Variants in PDXDC1 observed in about 807,000 individuals in gnomAD.
The protein encoded by PDXDC1 is pyridoxal-dependent decarboxylase domain-containing protein 1.
PDXDC1 carries 42 observed loss-of-function variants against 100.1 expected under a neutral mutation model. That is an observed-to-expected ratio of 0.42 (90% CI 0.33 to 0.54). The LOEUF is 0.54. PDXDC1 is among the 20% of genes least tolerant of loss of function. The probability of loss-of-function intolerance (pLI) is 0.10; values close to 1 mark genes in which losing one functional copy is unlikely to be tolerated. For synonymous variants in PDXDC1, 260 were observed against 371.7 expected (o/e 0.70, Z 3.46); for missense variants, 636 against 979.2 (o/e 0.65, Z 4.68).
In PDXDC1 at chr16:15,034,498, T is replaced by C; in HGVS notation, c.1947T>C (p.Asn649=). The change falls in exon 21 of 23, where the codon AAT becomes AAC. Residue 649 remains asparagine, a synonymous_variant. Coordinates refer to ENST00000396410, the MANE Select transcript of PDXDC1 (RefSeq NM_015027.4). ...TCCCTGTAGTGGGCTCCGTGCTGAA[T>C]TGGTTTTCTCCGGTCCAGGCTTTAC... ...RQIPVVGSVL[N]WFSPVQALQK... 1 of 1,614,144 alleles carries C rather than the reference T, an allele frequency of 6.2e-7. No homozygotes were observed. Among genetic ancestry groups the C allele is most frequent in the South Asian group, 1.1e-5 (1 of 91,076 alleles).
rs1208144181 is a variant in PDXDC1 at position 15,055,988 on chromosome 16, C to G, written c.1399+25932C>G. ...CAGCGGCATCGCGGAGGCGGCCGCCCAGGCAGGCCCAGGGAGGCGGCGGCC... is the reference window on the plus strand; with the variant it reads ...CAGCGGCATCGCGGAGGCGGCCGCCGAGGCAGGCCCAGGGAGGCGGCGGCC... On this transcript the variant is annotated intron_variant, in intron 16 of 16. Transcript: ENST00000535621. 3.3e-6 allele frequency: 4 copies of G among 1,203,760 alleles called. No individual in the cohort carries two copies. In the East Asian group the frequency reaches 1.0e-4, roughly 30 times the overall value. 74.6% of individuals were successfully genotyped at this position (1,203,760 alleles called of 1,614,324 possible).
At chr16:15,128,707 C>G (rs552514571) in intron 16 of PDXDC1, among the ~76,000 whole-genome samples, 1 of 152,150 alleles carries the variant, frequency 6.6e-6, no homozygotes, top group Non-Finnish European at 1.5e-5. Context: ...CACGCCACAA[C>G]CAGTGACCCG....
chr16:15,078,156 A>G (rs1241638979), intron 16 of PDXDC1, among the ~76,000 whole-genome samples: 5 of 152,210 alleles, frequency 3.3e-5, no homozygotes, highest in East Asian at 1.9e-4. Flanking sequence ...GAAAGACTAT[A>G]AAGAGTACAT....
Position 15,029,281 on chromosome 16 carries a change from G to A in PDXDC1, c.1293+315G>A, listed in dbSNP as rs1410864709. The stretch of plus-strand genomic sequence containing the variant: ...GTGAGCCTGGGCAGCACAGCCGGGA[G>A]CCCCAGGCAGAGTCTGCCGAGCATC... On this transcript the variant is annotated intron_variant, in intron 15 of 22. Coordinates refer to ENST00000396410, the MANE Select transcript of PDXDC1 (RefSeq NM_015027.4). 6 of 574,668 alleles carry A rather than the reference G, an allele frequency of 1.0e-5. No individual in the cohort carries two copies. In the Admixed American group the frequency reaches 1.6e-4, roughly 15 times the overall value. 35.6% of individuals were successfully genotyped at this position (574,668 alleles called of 1,614,324 possible). A position where few individuals can be genotyped will look rare whatever the true frequency, so the allele number is the denominator to read the frequency against.
At chr16:15,149,895 AT>A in the PDXDC1 span, among the ~76,000 whole-genome samples, 3 of 152,108 alleles carry the variant, frequency 2.0e-5, no homozygotes, top group African/African-American at 2.4e-5. Context: ...CCAACGACCA[AT>A]TTACAAGAAA....
chr16:15,035,521 C>T lies in PDXDC1; in HGVS notation c.2075C>T (p.Pro692Leu). ...QGAGVTLPPT[P>L]SGSRTKQRLP... ...GCAGGAGTCACGCTGCCTCCAACGC[C>T]CTCGGGCAGTCGCACCAAGCAGAGG... is the stretch of plus-strand genomic sequence containing the variant. The change falls in exon 22 of 23, where the codon CCC (proline) becomes CTC (leucine). Residue 692 changes from proline (P) to leucine (L), a missense_variant. By Grantham distance (98) the Pro-to-Leu change is moderately conservative. Around this residue, in one of 4 missense-constraint regions of PDXDC1, gnomAD observed 452 missense variants for 402.9 expected, o/e 1.12. Coordinates refer to ENST00000396410, the MANE Select transcript of PDXDC1 (RefSeq NM_015027.4). 1 of 1,612,250 alleles carries T rather than the reference C, an allele frequency of 6.2e-7. No homozygotes were observed. The highest frequency in any genetic ancestry group is 8.5e-7 in the Non-Finnish European group (1 of 1,179,284).
downstream of PDXDC1, among the ~76,000 whole-genome samples, chr16:15,141,445 G>A (rs899781008): frequency 2.0e-5 from 3 of 152,334 alleles, no homozygotes; most frequent in Admixed American, 6.5e-5. Flanking sequence ...ACTGGCTCCC[G>A]GAGCTTCTCG....
At chr16:15,094,382 G>A in intron 16 of PDXDC1, 5 of 704,526 alleles carry the variant, frequency 7.1e-6, no homozygotes, top group Non-Finnish European at 1.2e-5. Flanking sequence ...CGGCGGGCTA[G>A]AGCGCCGCTG....
Position 15,036,174 on chromosome 16 carries a change from C to G in PDXDC1, c.2266C>G (p.Pro756Ala). Reference protein sequence around the residue: ...ASSTEGHPGAPSPQHTDQTEA... With the variant: ...ASSTEGHPGAASPQHTDQTEA... ...CAGCACTGAGGGACACCCAGGGGCTCCCAGCCCTCAGCACACCGACCAGAC... is the reference window on the plus strand; with the variant it reads ...CAGCACTGAGGGACACCCAGGGGCTGCCAGCCCTCAGCACACCGACCAGAC... The change falls in exon 23 of 23, where the codon CCC (proline) becomes GCC (alanine). Residue 756 changes from proline (P) to alanine (A), a missense_variant. Pro to Ala is a conservative substitution (Grantham distance 27). Around this residue, in one of 4 missense-constraint regions of PDXDC1, gnomAD observed 452 missense variants for 402.9 expected, o/e 1.12. Coordinates refer to ENST00000396410, the MANE Select transcript of PDXDC1 (RefSeq NM_015027.4). The G allele has an allele frequency of 1.2e-6, 2 of 1,614,120 alleles. No individual in the cohort carries two copies. The highest frequency in any genetic ancestry group is 2.2e-5 in the South Asian group (2 of 91,086).
intron 16 of PDXDC1, chr16:15,065,107 G>T (rs1319598590): frequency 2.8e-6 from 3 of 1,085,992 alleles, no homozygotes; most frequent in Non-Finnish European, 4.0e-6. Flanking sequence ...CGGAGCTTGC[G>T]GTAAGCCGAG....
At chr16:15,007,418 C>G (rs1764736910) in intron 6 of PDXDC1, among the ~76,000 whole-genome samples, 2 of 152,196 alleles carry the variant, frequency 1.3e-5, no homozygotes, top group Non-Finnish European at 2.9e-5. Context: ...TCGTGATCTG[C>G]CCACCTCAGC....
chr16:15,106,630 C>T (rs1232124636), intron 16 of PDXDC1, among the ~76,000 whole-genome samples: 6 of 148,766 alleles, frequency 4.0e-5, no homozygotes, highest in Non-Finnish European at 9.0e-5. Context: ...TGGCAGGCAC[C>T]TGTAAGCCCA....
intron 16 of PDXDC1, chr16:15,071,269 G>A (rs769476239): frequency 4.5e-5 from 71 of 1,586,148 alleles, no homozygotes; most frequent in Non-Finnish European, 5.0e-5. Flanking sequence ...AAGAGAGGGC[G>A]TCGGTGTGAT....
intron 16 of PDXDC1, among the ~76,000 whole-genome samples, chr16:15,079,171 A>AC (rs111707572): frequency 0.65 from 98,299 of 151,480 alleles, 33,747 homozygotes; most frequent in Non-Finnish European, 0.75. Context: ...ACAGGGAGCA[A>AC]AGTTGAAGGA....
At chr16:14,989,949 C>T in intron 1 of PDXDC1, 4 of 1,462,118 alleles carry the variant, frequency 2.7e-6, no homozygotes, top group Non-Finnish European at 2.7e-6. Flanking sequence ...GCGCCAGGCG[C>T]GGGTGGCCGC....
intron 16 of PDXDC1, chr16:15,084,791 C>T: frequency 1.1e-6 from 1 of 907,162 alleles, no homozygotes; most frequent in Non-Finnish European, 1.8e-6. Context: ...GCTGGCTGGG[C>T]ACAGTGGCTC....
At chr16:15,011,473 A>C (rs1239112604) in intron 8 of PDXDC1, among the ~76,000 whole-genome samples, 2 of 152,302 alleles carry the variant, frequency 1.3e-5, no homozygotes, top group East Asian at 3.8e-4. Context: ...AATACAGGAG[A>C]TCTTTGTGAC....
At chr16:15,069,966 C>CT (rs1161717558) in intron 16 of PDXDC1, 1 of 1,454,452 alleles carries the variant, frequency 6.9e-7, no homozygotes. Context: ...ATGCAGTTTT[C>CT]TGAATCCAGT....
At chr16:15,089,002 C>G (rs1567224487) in intron 16 of PDXDC1, among the ~76,000 whole-genome samples, 1 of 152,082 alleles carries the variant, frequency 6.6e-6, no homozygotes. Flanking sequence ...ATCTAACAGA[C>G]AGTTAAGAAA....
Sources: allele counts gnomAD v4.1 joint callset (sites outside exome capture counted in the v4.1 genomes callset), GRCh38; gene constraint gnomAD v4.1.1; regional missense constraint gnomAD v4.1.1; transcripts MANE v1.5; gene names NCBI Gene and HGNC (gene_info 2026-07-23, HGNC 2026-07-21).